LEKR1: variants seen among roughly 807,000 people sequenced by gnomAD.
LEKR1 encodes the protein protein LEKR1.
Under a neutral mutation model 72.4 loss-of-function variants are expected in LEKR1, and 59 were observed. The ratio of observed to expected loss-of-function variants is 0.82; its 90% CI spans 0.66 to 1.01. The LOEUF (loss-of-function observed/expected upper bound fraction) is 1.01. LEKR1 is among the 50% of genes least tolerant of loss of function. LEKR1 has a pLI of 0.00. For synonymous variants in LEKR1, 257 were observed against 263.2 expected, an observed-to-expected ratio of 0.98 and a Z score of 0.23; for missense variants, 728 against 759.2, an observed-to-expected ratio of 0.96 and a Z score of 0.48.
intron 7 of LEKR1, among the ~76,000 whole-genome samples, chr3:156,986,637 C>A (rs749810376): frequency 6.6e-6 from 1 of 152,162 alleles, no homozygotes; most frequent in Non-Finnish European, 1.5e-5. Context: ...GACTCCAGAT[C>A]CAGACTGCTG....
intron 4 of LEKR1, among the ~76,000 whole-genome samples, chr3:156,921,347 A>G (rs907665013): frequency 1.4e-5 from 2 of 142,918 alleles, no homozygotes; most frequent in Admixed American, 6.7e-5. Flanking sequence ...CTAAAAAAGT[A>G]TGCTGGGTGA....
At chr3:156,994,165 T>G (rs1388766506) in intron 9 of LEKR1, among the ~76,000 whole-genome samples, 1 of 152,160 alleles carries the variant, frequency 6.6e-6, no homozygotes, top group Non-Finnish European at 1.5e-5. Flanking sequence ...ATATTTTATT[T>G]TATGAATATA....
At chr3:156,948,440 T>C (rs2107973476) in intron 6 of LEKR1, among the ~76,000 whole-genome samples, 1 of 151,352 alleles carries the variant, frequency 6.6e-6, no homozygotes, top group East Asian at 1.9e-4. Flanking sequence ...CCAAAAGAGT[T>C]CATCTATTTT....
At chr3:156,892,338 G>A (rs1720751177) in intron 3 of LEKR1, among the ~76,000 whole-genome samples, 1 of 152,142 alleles carries the variant, frequency 6.6e-6, no homozygotes, top group South Asian at 2.1e-4. Context: ...ATTGATAGAT[G>A]GGATGGGCTC....
intron 12 of LEKR1, among the ~76,000 whole-genome samples, chr3:157,041,648 C>A (rs951004696): frequency 6.6e-6 from 1 of 152,172 alleles, no homozygotes; most frequent in African/African-American, 2.4e-5. Context: ...CCTTCTTCAC[C>A]TGGCTCATGC....
At chr3:156,877,052 A>G (rs539839771) in intron 3 of LEKR1, among the ~76,000 whole-genome samples, 3 of 152,280 alleles carry the variant, frequency 2.0e-5, no homozygotes, top group Non-Finnish European at 4.4e-5. Context: ...GTTTTGTCAA[A>G]TGTGTTTTCT....
At chr3:156,920,158 T>C (rs1389330642) in intron 3 of LEKR1, among the ~76,000 whole-genome samples, 1 of 152,148 alleles carries the variant, frequency 6.6e-6, no homozygotes, top group Non-Finnish European at 1.5e-5. Context: ...TCTTTATAAA[T>C]TACCTAGCCT....
chr3:156,978,361 A>G (rs1403686046), intron 6 of LEKR1, among the ~76,000 whole-genome samples: 2 of 152,236 alleles, frequency 1.3e-5, no homozygotes, highest in Non-Finnish European at 2.9e-5. Flanking sequence ...GATGGAACAT[A>G]GAAATTTTAC....
chr3:156,944,407 C>T (rs1043457300), intron 6 of LEKR1, among the ~76,000 whole-genome samples: 1 of 151,700 alleles, frequency 6.6e-6, no homozygotes, highest in African/African-American at 2.4e-5. Context: ...CTTTGTTTTA[C>T]ATACAATTAA....
At chr3:156,889,291 G>T (rs1576750146) in intron 3 of LEKR1, among the ~76,000 whole-genome samples, 1 of 121,060 alleles carries the variant, frequency 8.3e-6, no homozygotes, top group Admixed American at 9.9e-5. Flanking sequence ...TGTTTTGTTT[G>T]TTGTTGCTGA....
chr3:156,845,041 G>A (rs192944525), intron 2 of LEKR1, among the ~76,000 whole-genome samples: 191 of 151,900 alleles, frequency 1.3e-3, no homozygotes, highest in Middle Eastern at 6.8e-3. Context: ...TCAGTGATGT[G>A]TAGTGAGTGA....
chr3:156,992,566 C>A (rs1043966569), intron 7 of LEKR1, 87 bp from the exon 8 acceptor site: 3 of 228,310 alleles, frequency 1.3e-5, no homozygotes, highest in South Asian at 1.1e-4. Context: ...TAAGAAATTT[C>A]TTCTATTGAT....
At chr3:156,942,388 TTTAG>T in intron 5 of LEKR1, 137 bp from the exon 6 acceptor site, 4 of 302,266 alleles carry the variant, frequency 1.3e-5, no homozygotes, top group Non-Finnish European at 1.2e-5. Flanking sequence ...AATTTAACTT[TTTAG>T]TTAGATGTCA....
intron 7 of LEKR1, among the ~76,000 whole-genome samples, chr3:156,990,603 C>A (rs1438292382): frequency 6.6e-6 from 1 of 152,086 alleles, no homozygotes; most frequent in Non-Finnish European, 1.5e-5. Context: ...CAAGATCCTA[C>A]CTTCATCTAT....
intron 6 of LEKR1, among the ~76,000 whole-genome samples, chr3:156,953,510 A>T (rs978144337): frequency 6.6e-6 from 1 of 150,892 alleles, no homozygotes; most frequent in Non-Finnish European, 1.5e-5. Context: ...CCTCCCTTCA[A>T]CCCCCCAGTT....
intron 3 of LEKR1, among the ~76,000 whole-genome samples, chr3:156,863,427 A>G (rs1716983875): frequency 6.6e-6 from 1 of 152,036 alleles, no homozygotes; most frequent in African/African-American, 2.4e-5. Flanking sequence ...CTCACTTACC[A>G]TAACGCCTGA....
chr3:156,882,588 G>A (rs1368495738), intron 3 of LEKR1, among the ~76,000 whole-genome samples: 7 of 152,216 alleles, frequency 4.6e-5, no homozygotes, highest in Non-Finnish European at 8.8e-5. Context: ...GTGGAAGTCA[G>A]TGTGGCAATT....
chr3:156,930,034 G>GAA (rs1725062566), intron 5 of LEKR1, among the ~76,000 whole-genome samples: 1 of 152,168 alleles, frequency 6.6e-6, no homozygotes, highest in Non-Finnish European at 1.5e-5. Flanking sequence ...GGAGTGAAGT[G>GAA]TGGTTTGGCA....
At chr3:157,004,206 CA>C (rs1013698855) in intron 9 of LEKR1, among the ~76,000 whole-genome samples, 1 of 151,138 alleles carries the variant, frequency 6.6e-6, no homozygotes, top group Non-Finnish European at 1.5e-5. Flanking sequence ...GATTTTGGAA[CA>C]AAAAAAATAT....
Sources: allele counts gnomAD v4.1 joint callset (sites outside exome capture counted in the v4.1 genomes callset), GRCh38; gene constraint gnomAD v4.1.1; transcripts MANE v1.5; gene names NCBI Gene and HGNC (gene_info 2026-07-23, HGNC 2026-07-21).